COLEC12: variants seen among roughly 807,000 people sequenced by gnomAD.
COLEC12 encodes the protein collectin-12.
In COLEC12, 33 loss-of-function variants were observed where a neutral mutation model predicts 71.1. The ratio of observed to expected loss-of-function variants is 0.46; its 90% CI spans 0.35 to 0.62. COLEC12 has a LOEUF of 0.62. Among genes scored for constraint, COLEC12 ranks in the 20% least tolerant of loss-of-function variants. The probability of loss-of-function intolerance (pLI) is 0.00; values close to 1 mark genes in which losing one functional copy is unlikely to be tolerated. For synonymous variants in COLEC12, 350 were observed against 353.0 expected (o/e 0.99, Z 0.10); for missense variants, 765 against 916.1 (o/e 0.84, Z 2.13).
chr18:469,015 G>T (rs1285827068), intron 2 of COLEC12, among the ~76,000 whole-genome samples: 1 of 152,248 alleles, frequency 6.6e-6, no homozygotes, highest in African/African-American at 2.4e-5. Context: ...GTGGCCGATG[G>T]CGTGCGCAGC....
intron 8 of COLEC12, among the ~76,000 whole-genome samples, chr18:326,683 C>T (rs573377095): frequency 1.7e-4 from 26 of 152,190 alleles, no homozygotes; most frequent in African/African-American, 5.1e-4. Context: ...TTTATTGAGA[C>T]GTATTTTATG....
intron 2 of COLEC12, among the ~76,000 whole-genome samples, chr18:383,052 T>C (rs1469717248): frequency 6.6e-6 from 1 of 152,120 alleles, no homozygotes; most frequent in African/African-American, 2.4e-5. Context: ...TACAACGCAA[T>C]TCCCCCAACG....
intron 3 of COLEC12, among the ~76,000 whole-genome samples, chr18:348,927 T>G (rs985760717): frequency 1.1e-4 from 16 of 152,212 alleles, no homozygotes; most frequent in African/African-American, 3.9e-4. Context: ...AATTCCCATG[T>G]GTTGTGGGAG....
At chr18:489,472 CCTAACT>C (rs1301258968) in intron 1 of COLEC12, among the ~76,000 whole-genome samples, 3 of 152,220 alleles carry the variant, frequency 2.0e-5, no homozygotes, top group Non-Finnish European at 4.4e-5. Context: ...TATATCCTAA[CCTAACT>C]CTAACTCTCA....
At chr18:430,403 C>T (rs1916280979) in intron 2 of COLEC12, among the ~76,000 whole-genome samples, 1 of 151,908 alleles carries the variant, frequency 6.6e-6, no homozygotes, top group Non-Finnish European at 1.5e-5. Context: ...ATCTAGATAA[C>T]TTTGCATATT....
At chr18:377,482 C>T (rs1005179043) in intron 2 of COLEC12, among the ~76,000 whole-genome samples, 4 of 152,172 alleles carry the variant, frequency 2.6e-5, no homozygotes, top group Non-Finnish European at 2.9e-5. Context: ...CTGCAATCTG[C>T]GGTGTCTTGG....
intron 2 of COLEC12, among the ~76,000 whole-genome samples, chr18:450,217 G>A (rs1319962654): frequency 2.0e-5 from 3 of 152,066 alleles, no homozygotes; most frequent in East Asian, 1.9e-4. Context: ...TCCAGCTCTC[G>A]GAAAATGTCT....
chr18:381,964 T>C (rs1915241284), intron 2 of COLEC12, among the ~76,000 whole-genome samples: 1 of 151,950 alleles, frequency 6.6e-6, no homozygotes, highest in African/African-American at 2.4e-5. Flanking sequence ...TATTGGGGCA[T>C]GTTAAACAAG....
intron 2 of COLEC12, among the ~76,000 whole-genome samples, chr18:471,767 G>A (rs1461544957): frequency 6.6e-6 from 1 of 151,726 alleles, no homozygotes; most frequent in Non-Finnish European, 1.5e-5. Flanking sequence ...AGTAATAATA[G>A]TGGCTAAAGT....
chr18:372,593 T>C (rs1296925876), intron 2 of COLEC12, among the ~76,000 whole-genome samples: 3 of 152,080 alleles, frequency 2.0e-5, no homozygotes, highest in African/African-American at 7.2e-5. Context: ...AATTTTTGTA[T>C]TTTTTGTAGA....
chr18:391,350 C>T (rs1382561997), intron 2 of COLEC12, among the ~76,000 whole-genome samples: 1 of 152,196 alleles, frequency 6.6e-6, no homozygotes, highest in Non-Finnish European at 1.5e-5. Flanking sequence ...ATTTTACCCT[C>T]CACAATTTGG....
chr18:422,006 C>G (rs2621205), intron 2 of COLEC12, among the ~76,000 whole-genome samples: 103,621 of 151,906 alleles, frequency 0.68, 36,239 homozygotes, highest in East Asian at 1. Flanking sequence ...TGTCCCCTTC[C>G]CAGGACAGTC....
At chr18:335,895 C>T (rs1417664821) in intron 5 of COLEC12, among the ~76,000 whole-genome samples, 2 of 152,172 alleles carry the variant, frequency 1.3e-5, no homozygotes, top group Non-Finnish European at 2.9e-5. Context: ...CAGCCAGGGG[C>T]TTATTCTTCA....
chr18:353,958 C>T (rs1215800333), intron 3 of COLEC12, among the ~76,000 whole-genome samples: 4 of 152,190 alleles, frequency 2.6e-5, no homozygotes, highest in Non-Finnish European at 4.4e-5. Flanking sequence ...GCTACACTGA[C>T]CCAGCTTAGC....
chr18:425,786 A>G (rs939359309), intron 2 of COLEC12, among the ~76,000 whole-genome samples: 5 of 152,186 alleles, frequency 3.3e-5, no homozygotes, highest in Non-Finnish European at 7.3e-5. Context: ...AGACATCTCT[A>G]TGTGATTTAC....
chr18:395,536 G>GT (rs1309385112), intron 2 of COLEC12, among the ~76,000 whole-genome samples: 2 of 152,286 alleles, frequency 1.3e-5, no homozygotes, highest in Non-Finnish European at 2.9e-5. Flanking sequence ...CCAGAAAAAT[G>GT]TGAGGTTAAA....
intron 2 of COLEC12, among the ~76,000 whole-genome samples, chr18:477,676 A>T (rs1291623982): frequency 1.3e-5 from 2 of 152,154 alleles, no homozygotes; most frequent in African/African-American, 4.8e-5. Flanking sequence ...ATAGTGTTGT[A>T]ACTTCAAAGC....
At chr18:373,966 C>T (rs1402391020) in intron 2 of COLEC12, among the ~76,000 whole-genome samples, 1 of 152,190 alleles carries the variant, frequency 6.6e-6, no homozygotes, top group African/African-American at 2.4e-5. Context: ...TGCATGCAGG[C>T]CCTGTTCCAC....
chr18:330,493 T>G (rs67901706), intron 8 of COLEC12, among the ~76,000 whole-genome samples: 49,192 of 151,528 alleles, frequency 0.32, 8,623 homozygotes, highest in East Asian at 0.57. Context: ...CAGAGGGTTT[T>G]TTTTTTTTTT....
Sources: allele counts gnomAD v4.1 joint callset (sites outside exome capture counted in the v4.1 genomes callset), GRCh38; gene constraint gnomAD v4.1.1; transcripts MANE v1.5; gene names NCBI Gene and HGNC (gene_info 2026-07-23, HGNC 2026-07-21).